The following PCDHGA5 variants were observed in gnomAD, a reference collection of about 807,000 sequenced individuals.
The protein encoded by PCDHGA5 is protocadherin gamma subfamily A, 5, also known as protocadherin gamma-A5.
PCDHGA5 carries 36 observed loss-of-function variants against 56.7 expected under a neutral mutation model. The ratio of observed to expected loss-of-function variants is 0.64; its 90% confidence interval spans 0.49 to 0.84. PCDHGA5 has a LOEUF of 0.84. Among genes scored for constraint, PCDHGA5 ranks in the 40% least tolerant of loss-of-function variants. The pLI is 0.00. For missense variants in PCDHGA5, 1,305 were observed against 1,201.5 expected (o/e 1.09, Z -1.27); for synonymous variants, 563 against 520.2 (o/e 1.08, Z -1.12).
At chr5:141,449,471 G>T (rs1261821886) in intron 1 of PCDHGA5, among the ~76,000 whole-genome samples, 1 of 151,060 alleles carries the variant, frequency 6.6e-6, no homozygotes, top group African/African-American at 2.4e-5. Flanking sequence ...GCCAGGCCTG[G>T]TACCCCATGC....
chr5:141,503,960 T>TTC (rs2099834474), intron 2 of PCDHGA5, among the ~76,000 whole-genome samples: 1 of 152,172 alleles, frequency 6.6e-6, no homozygotes, highest in Admixed American at 6.5e-5. Flanking sequence ...CCTACAGCCT[T>TTC]TCCCATGGTG....
In PCDHGA5 at chr5:141,423,718, A is replaced by G. The variant is rs1450410707; in HGVS notation, c.2421+56967A>G. The G allele has an allele frequency of 4.8e-6, 5 of 1,049,028 alleles. No homozygotes were observed. In the East Asian group the frequency reaches 2.9e-4, roughly 60 times the overall value. 65.0% of individuals were successfully genotyped at this position (1,049,028 alleles called of 1,614,324 possible). On this transcript the variant is annotated intron_variant, in intron 1 of 3. Coordinates refer to ENST00000518069, the MANE Select transcript of PCDHGA5 (RefSeq NM_018918.3). The stretch of plus-strand genomic sequence containing the variant: ...GTGTCTTGGCACAAGTCTTTTAAGG[A>G]GATGTTTTTTGAGCCTGTTATGAAA...
At chr5:141,385,003 T>C (rs1480894446) in intron 1 of PCDHGA5, 1 of 1,614,148 alleles carries the variant, frequency 6.2e-7, no homozygotes, top group South Asian at 1.1e-5. Context: ...CACAGTCTCC[T>C]GCGTCTTCCT....
At position 141,409,019 on chromosome 5, in the gene PCDHGA5, G is replaced by T; in HGVS notation, c.2421+42268G>T. 2.5e-6 allele frequency: 4 copies of T among 1,613,996 alleles called. No homozygotes were observed. The South Asian group carries it at 3.3e-5, about 13-fold the overall frequency. On this transcript the variant is annotated intron_variant, in intron 1 of 3. Coordinates refer to ENST00000518069, the MANE Select transcript of PCDHGA5 (RefSeq NM_018918.3). The stretch of plus-strand genomic sequence containing the variant: ...GACAGCCACTGACCAGGATGAGGGG[G>T]TCAATGCTGAGATAAACTACTACTT...
At chr5:141,418,337 C>G (rs1308299122) in intron 1 of PCDHGA5, 1 of 1,613,972 alleles carries the variant, frequency 6.2e-7, no homozygotes, top group East Asian at 2.2e-5. Context: ...TGCAGAAGAT[C>G]CTGATATTAG....
At chr5:141,369,567 A>G (rs1325702872) in intron 1 of PCDHGA5, among the ~76,000 whole-genome samples, 2 of 152,244 alleles carry the variant, frequency 1.3e-5, no homozygotes, top group African/African-American at 4.8e-5. Flanking sequence ...ACAAAGGAAA[A>G]GAGACCCTCT....
At chr5:141,398,963 ATTCCT>A in intron 1 of PCDHGA5, 1 of 1,613,976 alleles carries the variant, frequency 6.2e-7, no homozygotes, top group Non-Finnish European at 8.5e-7. Flanking sequence ...GAAATTACTT[ATTCCT>A]TCTACAGAAC....
At chr5:141,396,682 C>T (rs1387269894) in intron 1 of PCDHGA5, 1 of 151,688 alleles carries the variant, frequency 6.6e-6, no homozygotes, top group Non-Finnish European at 1.5e-5. Context: ...TATTGTATTC[C>T]TGCATACCTT....
At chr5:141,438,627 TATATATATAC>T (rs572501359) in intron 1 of PCDHGA5, among the ~76,000 whole-genome samples, 778 of 47,938 alleles carry the variant, frequency 0.016, 4 homozygotes, top group East Asian at 0.059. Context: ...TATATATATA[TATATATATAC>T]ACACACACAC....
At position 141,460,491 on chromosome 5, in the gene PCDHGA5, A is replaced by G. The variant is rs544539917; in HGVS notation, c.2422-34316A>G. Among the ~76,000 whole-genome samples, 240 of 152,272 alleles carry G rather than the reference A, an allele frequency of 1.6e-3. 1 individual carries two copies. Among genetic ancestry groups the G allele is most frequent in the Non-Finnish European group, 2.6e-3 (177 of 68,014 alleles). On this transcript the variant is annotated intron_variant, in intron 1 of 3. Transcript: ENST00000518069. ...AAGGAATATCCAATTGTCTCTTTGG[A>G]AAAATATGCTGAGAAGGCTATCTTT...
At chr5:141,495,852 TCTCA>T (rs1473070626) in intron 2 of PCDHGA5, among the ~76,000 whole-genome samples, 1 of 152,174 alleles carries the variant, frequency 6.6e-6, no homozygotes, top group Non-Finnish European at 1.5e-5. Flanking sequence ...TTTCTCTGTC[TCTCA>T]CTATTTCTGC....
intron 1 of PCDHGA5, chr5:141,478,565 T>C (rs772519746): frequency 1.6e-5 from 25 of 1,593,862 alleles, no homozygotes; most frequent in Non-Finnish European, 2.0e-5. Flanking sequence ...TAGCAAGTCA[T>C]GCTTGACCCT....
chr5:141,370,558 G>A (rs1191020056), intron 1 of PCDHGA5: 3 of 1,613,818 alleles, frequency 1.9e-6, no homozygotes, highest in Admixed American at 3.3e-5. Flanking sequence ...AAGGACCTGG[G>A]GTTTGGCGTG....
At chr5:141,409,464 C>A in intron 1 of PCDHGA5, 1 of 1,613,940 alleles carries the variant, frequency 6.2e-7, no homozygotes, top group South Asian at 1.1e-5. Context: ...TACAATGTCA[C>A]CATCGTAGCC....
chr5:141,467,625 T>C (rs1407031447), intron 1 of PCDHGA5, among the ~76,000 whole-genome samples: 1 of 152,202 alleles, frequency 6.6e-6, no homozygotes, highest in African/African-American at 2.4e-5. Flanking sequence ...TGATTTGAGA[T>C]AGCATCTTTA....
chr5:141,409,205 A>T, intron 1 of PCDHGA5: 1 of 1,614,068 alleles, frequency 6.2e-7, no homozygotes, highest in African/African-American at 1.3e-5. Context: ...TAAAGTAATC[A>T]TAGAAATCCT....
intron 1 of PCDHGA5, chr5:141,475,850 G>A (rs2099376325): frequency 1.9e-5 from 9 of 464,524 alleles, no homozygotes; most frequent in Middle Eastern, 5.9e-4. Context: ...AGAGAGCCCG[G>A]CGCTAGCTCA....
intron 1 of PCDHGA5, chr5:141,419,479 C>T (rs764891283): frequency 6.2e-7 from 1 of 1,612,390 alleles, no homozygotes; most frequent in Non-Finnish European, 8.5e-7. Context: ...AGGGCTCGCC[C>T]GCGCTCAGCG....
chr5:141,421,902 C>A (rs1218675162), intron 1 of PCDHGA5: 1 of 1,613,706 alleles, frequency 6.2e-7, no homozygotes, highest in East Asian at 2.2e-5. Context: ...TCCGAAAGGG[C>A]GCAGTTCCCA....
Sources: allele counts gnomAD v4.1 joint callset (sites outside exome capture counted in the v4.1 genomes callset), GRCh38; gene constraint gnomAD v4.1.1; transcripts MANE v1.5; gene names NCBI Gene and HGNC (gene_info 2026-07-23, HGNC 2026-07-21).